LETMD1: variants seen among roughly 807,000 people sequenced by gnomAD.
LETMD1 encodes LETM1 domain containing 1, also known as LETM1 domain-containing protein 1.
In LETMD1, 30 loss-of-function variants were observed where a neutral mutation model predicts 43.9. The observed-to-expected ratio is 0.68, with a 90% CI of 0.51 to 0.93. The LOEUF is 0.93. Ranked by LOEUF, LETMD1 falls within the 40% of genes least tolerant of loss-of-function variation. The probability of loss-of-function intolerance (pLI) is 0.00; values close to 1 mark genes in which losing one functional copy is unlikely to be tolerated. For missense variants in LETMD1, 413 were observed against 447.7 expected (o/e 0.92, Z 0.70); for synonymous variants, 176 against 163.1 (o/e 1.08, Z -0.60).
At chr12:51,055,228 A>C (rs1713646680) in intron 4 of LETMD1, among the ~76,000 whole-genome samples, 1 of 152,158 alleles carries the variant, frequency 6.6e-6, no homozygotes, top group African/African-American at 2.4e-5. Flanking sequence ...CATGCTCTTC[A>C]CATGCTTTAG....
At chr12:51,053,474 C>G (rs537856812) in intron 3 of LETMD1, among the ~76,000 whole-genome samples, 1 of 152,132 alleles carries the variant, frequency 6.6e-6, no homozygotes, top group Non-Finnish European at 1.5e-5. Context: ...GAAACCCTGT[C>G]TCGACTAAAA....
downstream of LETMD1, chr12:51,061,242 T>C (rs1276421755): frequency 6.6e-6 from 1 of 152,584 alleles, no homozygotes; most frequent in Non-Finnish European, 1.5e-5. Context: ...ATTTAAATAT[T>C]CTCTTTAAAT....
chr12:51,048,690 G>T, intron 1 of LETMD1: 1 of 645,844 alleles, frequency 1.5e-6, no homozygotes, highest in Non-Finnish European at 2.6e-6. Context: ...TGGTTTCCCC[G>T]CGTGTCCTGA....
chr12:51,056,100 G>C, intron 5 of LETMD1, 44 bp from the exon 6 acceptor site: 1 of 1,609,108 alleles, frequency 6.2e-7, no homozygotes, highest in South Asian at 1.1e-5. Flanking sequence ...AAGAGGAGTA[G>C]TCAGGACTTT....
intron 3 of LETMD1, among the ~76,000 whole-genome samples, chr12:51,052,541 G>A: frequency 6.6e-6 from 1 of 152,162 alleles, no homozygotes. Context: ...CCAGCACTTT[G>A]GGAAGCCGAG....
downstream of LETMD1, chr12:51,062,637 C>T (rs576536813): frequency 9.9e-5 from 15 of 152,204 alleles, no homozygotes; most frequent in African/African-American, 3.6e-4. Context: ...GTCCAATAAA[C>T]ATTTGCAATT....
intron 2 of LETMD1, among the ~76,000 whole-genome samples, chr12:51,049,924 T>C (rs942430610): frequency 6.6e-6 from 1 of 152,256 alleles, no homozygotes; most frequent in Admixed American, 6.5e-5. Context: ...ATCTAAATGT[T>C]ACCTAACAGT....
In LETMD1 at chr12:51,055,690, A is replaced by AAT. The variant is rs398019540; in HGVS notation, c.474-145_474-144insAT. Reference sequence around the variant, plus strand: ...TAAAAAAAAAAAAAAAAAAAAAAAAACTGAAAAAGAAAAAGAACACTGAGG... The same window carrying AAT: ...TAAAAAAAAAAAAAAAAAAAAAAAAAATCTGAAAAAGAAAAAGAACACTGAGG... On this transcript the variant is annotated intron_variant, in intron 4 of 8. Coordinates refer to ENST00000262055, the MANE Select transcript of LETMD1 (RefSeq NM_015416.5). The AAT allele has an allele frequency of 5.9e-4, 249 of 422,660 alleles. 1 individual carries two copies. The highest frequency in any genetic ancestry group is 1.1e-3 in the Admixed American group (25 of 22,992). 26.2% of individuals were successfully genotyped at this position (422,660 alleles called of 1,614,324 possible). A position where few individuals can be genotyped will look rare whatever the true frequency, so the allele number is the denominator to read the frequency against.
intron 2 of LETMD1, among the ~76,000 whole-genome samples, chr12:51,049,967 T>C (rs1262846416): frequency 1.3e-5 from 2 of 152,246 alleles, no homozygotes. Flanking sequence ...ATTGCGGCTT[T>C]TGGCTTTCAG....
chr12:51,059,594 G>T lies in LETMD1; in HGVS notation c.*163G>T. 1 of 655,432 alleles carries T rather than the reference G, an allele frequency of 1.5e-6. No individual in the cohort carries two copies. 40.6% of individuals were successfully genotyped at this position (655,432 alleles called of 1,614,324 possible). A position where few individuals can be genotyped will look rare whatever the true frequency, so the allele number is the denominator to read the frequency against. On this transcript the variant is annotated 3_prime_UTR_variant, in exon 9 of 9. Coordinates refer to ENST00000262055, the MANE Select transcript of LETMD1 (RefSeq NM_015416.5). ...ACAGCATGGCACACATGTGGGAACT[G>T]CAGACATTCCTCTCACAGCTAGAAC...
At chr12:51,063,506 T>G (rs1039637936), downstream of LETMD1, 6 of 312,710 alleles carry the variant, frequency 1.9e-5, no homozygotes, top group Non-Finnish European at 3.5e-5. Flanking sequence ...AAGCTTAATG[T>G]TCAGCACTAC....
intron 4 of LETMD1, 170 bp from the exon 5 acceptor site, chr12:51,055,665 T>TTAAA: frequency 3.4e-5 from 5 of 149,252 alleles, no homozygotes; most frequent in Non-Finnish European, 6.0e-5. Flanking sequence ...CCCTGTCTCT[T>TTAAA]AAAAAAAAAA....
chr12:51,056,150 C>T lies in LETMD1; in HGVS notation c.667C>T (p.Arg223Cys), dbSNP rs772519299. Residue 223 changes from arginine to cysteine, a missense_variant, in exon 6 of 9, where the codon CGT (arginine) becomes TGT (cysteine). Arg to Cys is a radical substitution (Grantham distance 180). Transcript: ENST00000262055. Reference protein sequence around the residue: ...RLTDLCTKIQRGTHPAIHDIL... With the variant: ...RLTDLCTKIQCGTHPAIHDIL... Reference sequence around the variant, plus strand: ...ATCTCTTACCTCTTCCAAGATACAGCGTGGTACCCACCCAGCAATACATGA... The same window carrying T: ...ATCTCTTACCTCTTCCAAGATACAGTGTGGTACCCACCCAGCAATACATGA... The T allele has an allele frequency of 1.3e-5, 21 of 1,613,946 alleles. No individual in the cohort carries two copies. The highest frequency in any genetic ancestry group is 8.3e-5 in the Admixed American group (5 of 59,996).
the LETMD1 span, chr12:51,067,954 T>C: frequency 1.3e-5 from 21 of 1,613,474 alleles, no homozygotes; most frequent in Non-Finnish European, 1.8e-5. This position sits in a 1 kb window ranked among gnomAD's most constrained non-coding sequence, Gnocchi z 4.1. Context: ...GACTCCACTG[T>C]CCCATTCTTG....
At position 51,056,260 on chromosome 12, in the gene LETMD1, G is replaced by A; in HGVS notation, c.762+15G>A. The A allele has an allele frequency of 6.2e-7, 1 of 1,613,878 alleles. No homozygotes were observed. The highest frequency in any genetic ancestry group is 1.3e-5 in the African/African-American group (1 of 75,042). ...CTTTGCACGTGGTGAGCACTTTGAG[G>A]GCTTCTCTTTTCCATAGCATCACCA... On this transcript the variant is annotated intron_variant, in intron 6 of 8. Coordinates refer to ENST00000262055, the MANE Select transcript of LETMD1 (RefSeq NM_015416.5).
In LETMD1 at chr12:51,056,376, C is replaced by G. The variant is rs758687139; in HGVS notation, c.789C>G (p.Leu263=). 3.1e-6 allele frequency: 5 copies of G among 1,614,118 alleles called. No individual in the cohort carries two copies. Among genetic ancestry groups the G allele is most frequent in the Admixed American group, 1.7e-5 (1 of 60,008 alleles). ...HVKALSRAML[L]TSYLPPPLLR... ...AAGCCTTGAGCCGGGCCATGCTTCTCACATCTTACCTGCCTCCTCCCTTGT... is the reference window on the plus strand; with the variant it reads ...AAGCCTTGAGCCGGGCCATGCTTCTGACATCTTACCTGCCTCCTCCCTTGT... The change falls in exon 7 of 9, where the codon CTC becomes CTG. Residue 263 remains leucine (L), a synonymous_variant. Transcript: ENST00000262055.
At chr12:51,051,042 G>A (rs982978445) in intron 2 of LETMD1, among the ~76,000 whole-genome samples, 1 of 151,248 alleles carries the variant, frequency 6.6e-6, no homozygotes, top group Non-Finnish European at 1.5e-5. Flanking sequence ...AAAAAAATTA[G>A]ATGCAAGAAT....
rs1296426100 is a variant in LETMD1, at chr12:51,049,282, A to G, written c.274+97A>G. ...ATCATTTGCAGGTTCTGCTATGGGG[A>G]TGTGAGCCGAGATATCTTATATTTC... On this transcript the variant is annotated intron_variant, in intron 2 of 8. Coordinates refer to ENST00000262055, the MANE Select transcript of LETMD1 (RefSeq NM_015416.5). 5 of 1,065,460 alleles carry G rather than the reference A, an allele frequency of 4.7e-6. No homozygotes were observed. In the Admixed American group the frequency reaches 9.3e-5, roughly 20 times the overall value. The allele number at this position is 1,065,460 out of a possible 1,614,324, so 66.0% of individuals were successfully genotyped here.
At chr12:51,050,254 A>G (rs1177644476) in intron 2 of LETMD1, among the ~76,000 whole-genome samples, 1 of 145,136 alleles carries the variant, frequency 6.9e-6, no homozygotes, top group Admixed American at 7.0e-5. Flanking sequence ...TTTGAGTCTC[A>G]CCGTGTCGCC....
Sources: gnomAD v4.1 joint callset for allele counts (sites outside exome capture counted in the v4.1 genomes callset) on GRCh38, gnomAD v4.1.1 for gene constraint, Gnocchi (gnomAD v3.1) non-coding constraint, MANE v1.5 for transcripts, NCBI Gene and HGNC (gene_info 2026-07-23, HGNC 2026-07-21) for gene names.